RAB30: variants seen among roughly 807,000 people sequenced by gnomAD.
RAB30 encodes ras-related protein Rab-30.
Under a neutral mutation model 25.1 loss-of-function variants are expected in RAB30, and 9 were observed. The ratio of observed to expected loss-of-function variants is 0.36; its 90% CI spans 0.22 to 0.63. The LOEUF (loss-of-function observed/expected upper bound fraction) is 0.63, where lower values mean the gene tolerates loss of function less well. Ranked by LOEUF, RAB30 falls within the 20% of genes least tolerant of loss-of-function variation. The probability of loss-of-function intolerance (pLI) is 0.69; values close to 1 mark genes in which losing one functional copy is unlikely to be tolerated. For synonymous variants in RAB30, 77 were observed against 86.4 expected, an observed-to-expected ratio of 0.89 and a Z score of 0.60; for missense variants, 140 against 243.5, an observed-to-expected ratio of 0.58 and a Z score of 2.83.
rs868497272 is a variant in RAB30 at position 82,975,663 on chromosome 11, C to T, written c.*6502G>A. On this transcript the variant is annotated 3_prime_UTR_variant, in exon 5 of 5. Coordinates refer to ENST00000527633, the MANE Select transcript of RAB30 (RefSeq NM_001286060.2). ...CAGCCAGAATAATTCTTCAGAAGCA[C>T]ACTTTGTTATCAATTATGTAACTAA... The T allele has an allele frequency of 1.3e-5, 2 of 152,056 alleles. No individual in the cohort carries two copies. Among genetic ancestry groups the T allele is most frequent in the Non-Finnish European group, 2.9e-5 (2 of 67,988 alleles). The allele number at this position is 152,056 out of a possible 1,614,324, so 9.4% of individuals were successfully genotyped here.
intron 1 of RAB30, among the ~76,000 whole-genome samples, chr11:83,003,739 T>C (rs1425248634): frequency 2.0e-5 from 3 of 152,022 alleles, no homozygotes; most frequent in Admixed American, 6.5e-5. Flanking sequence ...TTTCTTTATA[T>C]ACACTCGTGT....
intron 1 of RAB30, among the ~76,000 whole-genome samples, chr11:83,055,769 T>C (rs12289230): frequency 0.019 from 2,910 of 152,318 alleles, 90 homozygotes; most frequent in African/African-American, 0.066. Flanking sequence ...GGGTGAGTTG[T>C]CCTTCTGTGC....
rs1050492176 is a variant in RAB30, at chr11:82,973,709, G to A, written c.*8456C>T. ...CACTCTCCAAACAGGATTGCAAGAG[G>A]TTCTACGTAAATAAACATAAATGAT... is the stretch of plus-strand genomic sequence containing the variant. On this transcript the variant is annotated 3_prime_UTR_variant, in exon 5 of 5. Transcript: ENST00000527633. 3.3e-5 allele frequency: 5 copies of A among 152,182 alleles called. No individual in the cohort carries two copies. The highest frequency in any genetic ancestry group is 1.3e-4 in the Admixed American group (2 of 15,280). 9.4% of individuals were successfully genotyped at this position (152,182 alleles called of 1,614,324 possible). A position where few individuals can be genotyped will look rare whatever the true frequency, so the allele number is the denominator to read the frequency against.
At chr11:83,056,467 G>T (rs1451759170) in intron 1 of RAB30, among the ~76,000 whole-genome samples, 6 of 152,176 alleles carry the variant, frequency 3.9e-5, no homozygotes, top group Non-Finnish European at 8.8e-5. Context: ...TGGCTATGGT[G>T]AATAATGCTG....
intron 3 of RAB30, among the ~76,000 whole-genome samples, chr11:82,993,258 T>C (rs939805608): frequency 1.3e-5 from 2 of 152,224 alleles, no homozygotes; most frequent in African/African-American, 4.8e-5. Context: ...TGGGGTGTAC[T>C]GGTTGGTGAA....
rs749838638 is a variant in RAB30, at chr11:82,994,120, A to C, written c.96T>G (p.Gly32=). The C allele has an allele frequency of 6.2e-7, 1 of 1,600,134 alleles. No homozygotes were observed. Among genetic ancestry groups the C allele is most frequent in the Admixed American group, 1.7e-5 (1 of 59,640 alleles). Residue 32 remains glycine, a splice_region_variant and synonymous_variant, in exon 3 of 5, where the codon GGT becomes GGG. Coordinates refer to ENST00000527633, the MANE Select transcript of RAB30 (RefSeq NM_001286060.2). ...KTCLVRRFTQ[G]LFPPGQGATI... is the part of the protein sequence containing the mutation. ...TGGCTCCTTGACCTGGGGGGAAAAG[A>C]CCCTGAAGAAGAAATAATAGAAAAG...
At chr11:82,996,235 G>A (rs7943202) in intron 2 of RAB30, among the ~76,000 whole-genome samples, 2,495 of 152,196 alleles carry the variant, frequency 0.016, 85 homozygotes, top group African/African-American at 0.057. Flanking sequence ...TTCGTTTTCC[G>A]CAAAACCACA....
intron 1 of RAB30, among the ~76,000 whole-genome samples, chr11:83,037,968 G>A (rs1295230603): frequency 6.6e-6 from 1 of 152,178 alleles, no homozygotes; most frequent in Admixed American, 6.5e-5. Context: ...CATAAGGAAG[G>A]CTGTCTCGTG....
chr11:83,049,263 T>C (rs1456925275), intron 1 of RAB30, among the ~76,000 whole-genome samples: 2 of 151,510 alleles, frequency 1.3e-5, no homozygotes, highest in African/African-American at 2.4e-5. Context: ...ATACAAAAAT[T>C]AGCTTGGTGT....
intron 1 of RAB30, among the ~76,000 whole-genome samples, chr11:83,020,144 C>A (rs11600832): frequency 0.067 from 10,189 of 152,182 alleles, 733 homozygotes; most frequent in African/African-American, 0.18. Context: ...CTCCACGGAG[C>A]AGGTAGAAGC....
intron 4 of RAB30, among the ~76,000 whole-genome samples, chr11:82,984,848 A>G (rs115065546): frequency 0.019 from 2,887 of 152,318 alleles, 87 homozygotes; most frequent in African/African-American, 0.065. Flanking sequence ...AAGCAAAAAA[A>G]TTATCCAACA....
chr11:83,003,818 T>A (rs1317644036), intron 1 of RAB30, among the ~76,000 whole-genome samples: 1 of 152,160 alleles, frequency 6.6e-6, no homozygotes, highest in Non-Finnish European at 1.5e-5. Flanking sequence ...TATATAAATT[T>A]TTTTCTATAG....
At chr11:83,028,472 A>T (rs1301169428) in intron 1 of RAB30, among the ~76,000 whole-genome samples, 1 of 152,160 alleles carries the variant, frequency 6.6e-6, no homozygotes, top group East Asian at 1.9e-4. Flanking sequence ...CCAGGTTGAA[A>T]GGGCCCAGCA....
At chr11:82,986,560 C>T (rs1333269803) in intron 4 of RAB30, among the ~76,000 whole-genome samples, 1 of 152,200 alleles carries the variant, frequency 6.6e-6, no homozygotes, top group African/African-American at 2.4e-5. Flanking sequence ...AAGGGTTTTA[C>T]AGGGAGCACT....
chr11:83,065,926 T>A (rs1479730737), intron 1 of RAB30, among the ~76,000 whole-genome samples: 1 of 152,212 alleles, frequency 6.6e-6, no homozygotes, highest in Non-Finnish European at 1.5e-5. Context: ...CTCCAGCACA[T>A]AAATATGTAT....
At chr11:82,983,374 C>T (rs948234080) in intron 4 of RAB30, among the ~76,000 whole-genome samples, 2 of 152,064 alleles carry the variant, frequency 1.3e-5, no homozygotes, top group Non-Finnish European at 2.9e-5. Context: ...AAACTGAGAG[C>T]AAAATTAAAC....
intron 1 of RAB30, among the ~76,000 whole-genome samples, chr11:83,057,609 T>G (rs1285737846): frequency 1.3e-5 from 2 of 152,194 alleles, no homozygotes; most frequent in Non-Finnish European, 2.9e-5. Flanking sequence ...AAGAGATAGT[T>G]GCCCAAATGC....
intron 3 of RAB30, among the ~76,000 whole-genome samples, chr11:82,991,046 G>C (rs777764651): frequency 1.3e-5 from 2 of 152,228 alleles, no homozygotes; most frequent in Non-Finnish European, 2.9e-5. Context: ...ACTGATGAGG[G>C]TGTCAGGAGA....
chr11:83,018,386 C>T lies in RAB30; in HGVS notation c.-8-21062G>A, dbSNP rs532991441. ...TTGATTTTTTAATTATGGCCATTCT[C>T]GGAGGAGTAAGGTGGTATCTCATTG... On this transcript the variant is annotated intron_variant, in intron 1 of 4. Coordinates refer to ENST00000527633, the MANE Select transcript of RAB30 (RefSeq NM_001286060.2). Among the ~76,000 whole-genome samples the T allele has an allele frequency of 7.9e-5, 12 of 150,994 alleles. No homozygotes were observed. The South Asian group carries it at 1.3e-3, about 16-fold the overall frequency.
Sources: allele counts gnomAD v4.1 joint callset (sites outside exome capture counted in the v4.1 genomes callset), GRCh38; gene constraint gnomAD v4.1.1; transcripts MANE v1.5; gene names NCBI Gene and HGNC (gene_info 2026-07-23, HGNC 2026-07-21).